The following LIN28B variants were observed in gnomAD, a reference collection of about 807,000 sequenced individuals.
The protein encoded by LIN28B is lin-28 RNA binding posttranscriptional regulator B.
Under a neutral mutation model 21.9 loss-of-function variants are expected in LIN28B, and 5 were observed. The ratio of observed to expected loss-of-function variants is 0.23; its 90% CI spans 0.12 to 0.48. LIN28B has a LOEUF of 0.48. Ranked by LOEUF, LIN28B falls within the 20% of genes least tolerant of loss-of-function variation. LIN28B has a pLI of 0.98. For missense variants in LIN28B, 245 were observed against 310.5 expected, an observed-to-expected ratio of 0.79 and a Z score of 1.58; for synonymous variants, 109 against 111.3, an observed-to-expected ratio of 0.98 and a Z score of 0.13.
At chr6:105,030,855 C>A (rs1379651260) in intron 3 of LIN28B, among the ~76,000 whole-genome samples, 3 of 152,066 alleles carry the variant, frequency 2.0e-5, no homozygotes, top group African/African-American at 4.8e-5. Flanking sequence ...CTCAGCCTCC[C>A]AAAGATTACA....
At chr6:105,021,980 T>A (rs1388141050) in intron 2 of LIN28B, among the ~76,000 whole-genome samples, 2 of 152,154 alleles carry the variant, frequency 1.3e-5, no homozygotes, top group African/African-American at 4.8e-5. Context: ...CCAGTTTTAC[T>A]AATGGAGGGA....
chr6:105,016,749 T>C (rs1176033922), intron 2 of LIN28B, among the ~76,000 whole-genome samples: 1 of 152,078 alleles, frequency 6.6e-6, no homozygotes, highest in Non-Finnish European at 1.5e-5. Flanking sequence ...AAGAAGTTAG[T>C]AGCTTTATAA....
chr6:105,079,998 A>G lies in LIN28B; in HGVS notation c.*1215A>G, dbSNP rs1453902626. The G allele has an allele frequency of 5.9e-5, 9 of 152,200 alleles. No homozygotes were observed. The highest frequency in any genetic ancestry group is 2.2e-4 in the African/African-American group (9 of 41,440). The allele number at this position is 152,200 out of a possible 1,614,324, so 9.4% of individuals were successfully genotyped here. The stretch of plus-strand genomic sequence containing the variant: ...TGACAAGCCTGGGGCAGAGGTACCA[A>G]ACCTCTCCCACCAGAGAGCTAGAAG... On this transcript the variant is annotated 3_prime_UTR_variant, in exon 4 of 4. Coordinates refer to ENST00000345080, the MANE Select transcript of LIN28B (RefSeq NM_001004317.4).
chr6:105,060,367 G>A (rs190306611), intron 3 of LIN28B, among the ~76,000 whole-genome samples: 2 of 152,236 alleles, frequency 1.3e-5, no homozygotes, highest in East Asian at 1.9e-4. Context: ...GGGCTCAAGC[G>A]ATCTGCCCAC....
At chr6:105,036,582 C>CT (rs1582910086) in intron 3 of LIN28B, among the ~76,000 whole-genome samples, 2 of 152,310 alleles carry the variant, frequency 1.3e-5, no homozygotes, top group East Asian at 3.9e-4. Flanking sequence ...ATGTGCCATT[C>CT]TCATCACCCT....
intron 2 of LIN28B, among the ~76,000 whole-genome samples, chr6:105,023,565 A>T (rs866778921): frequency 9.2e-5 from 3 of 32,466 alleles, no homozygotes; most frequent in African/African-American, 4.8e-4. Flanking sequence ...ATATATATAT[A>T]TAATATATAT....
intron 2 of LIN28B, among the ~76,000 whole-genome samples, chr6:105,017,022 A>G (rs1771042859): frequency 6.7e-6 from 1 of 149,050 alleles, no homozygotes; most frequent in Non-Finnish European, 1.5e-5. Flanking sequence ...GGAGTGAGCC[A>G]AGATTGTGCT....
chr6:105,050,608 CAAAAAAAAAAAAA>C (rs61464567), intron 3 of LIN28B, among the ~76,000 whole-genome samples: 9 of 47,604 alleles, frequency 1.9e-4, no homozygotes, highest in Non-Finnish European at 2.8e-4. Context: ...GACTCCGTCT[CAAAAAAAAAAAAA>C]AAAAAAAAAA....
intron 1 of LIN28B, among the ~76,000 whole-genome samples, chr6:104,957,617 G>A (rs1421392495): frequency 2.0e-5 from 3 of 151,830 alleles, no homozygotes; most frequent in African/African-American, 7.3e-5. Context: ...TGGGGGGGAG[G>A]GGAATGCACA....
At chr6:105,006,969 G>C (rs1770830657) in intron 2 of LIN28B, among the ~76,000 whole-genome samples, 1 of 152,176 alleles carries the variant, frequency 6.6e-6, no homozygotes, top group South Asian at 2.1e-4. Flanking sequence ...CAGAATATTT[G>C]TAACAACTGT....
At chr6:105,067,448 A>G (rs1772241409) in intron 3 of LIN28B, among the ~76,000 whole-genome samples, 1 of 152,206 alleles carries the variant, frequency 6.6e-6, no homozygotes, top group Non-Finnish European at 1.5e-5. Context: ...GGGTTCTGAA[A>G]GCAGCACTGG....
intron 2 of LIN28B, among the ~76,000 whole-genome samples, chr6:104,984,358 A>G (rs953889294): frequency 2.0e-5 from 3 of 152,216 alleles, no homozygotes; most frequent in Non-Finnish European, 4.4e-5. Flanking sequence ...TGTGTAGCCA[A>G]TTGATTCTCT....
chr6:105,050,362 G>A (rs1477627496), intron 3 of LIN28B, among the ~76,000 whole-genome samples: 1 of 152,090 alleles, frequency 6.6e-6, no homozygotes, highest in East Asian at 1.9e-4. Context: ...CAGCACTTTG[G>A]GAGGCCGAGG....
At chr6:104,999,939 C>T (rs1770687291) in intron 2 of LIN28B, among the ~76,000 whole-genome samples, 1 of 152,138 alleles carries the variant, frequency 6.6e-6, no homozygotes, top group South Asian at 2.1e-4. Context: ...GCCTCGGCCT[C>T]CCAAAGTGCT....
Position 105,025,492 on chromosome 6 carries a change from A to G in LIN28B, c.199-806A>G, listed in dbSNP as rs142640931. On this transcript the variant is annotated intron_variant, in intron 2 of 3. Transcript: ENST00000345080. ...AATATGAAATCTGATTTCCTTTCAA[A>G]TTATAAAAAGCTCAAACGACGCAGT... is the stretch of plus-strand genomic sequence containing the variant. Among the ~76,000 whole-genome samples, 471 of 152,156 alleles carry G rather than the reference A, an allele frequency of 3.1e-3. 6 individuals carry two copies. Among genetic ancestry groups the G allele is most frequent in the African/African-American group, 0.011 (450 of 41,546 alleles).
intron 2 of LIN28B, among the ~76,000 whole-genome samples, chr6:104,947,830 C>T (rs1410787154): frequency 5.4e-5 from 8 of 147,382 alleles, no homozygotes; most frequent in African/African-American, 1.8e-4. Context: ...TACAGGAATT[C>T]GTTGTCATTG....
intron 3 of LIN28B, chr6:105,058,125 TA>T (rs1772056445): frequency 2.6e-6 from 1 of 389,864 alleles, no homozygotes; most frequent in South Asian, 1.9e-5. Context: ...GGTATGTGTT[TA>T]TTTTATCATG....
intron 2 of LIN28B, among the ~76,000 whole-genome samples, chr6:105,025,049 ACTTGACCACAAAAC>A: frequency 6.6e-6 from 1 of 152,316 alleles, no homozygotes; most frequent in East Asian, 1.9e-4. Flanking sequence ...TTACAAACTT[ACTTGACCACAAAAC>A]CTTTTTCTCG....
chr6:105,055,230 C>T (rs931766180), intron 3 of LIN28B, among the ~76,000 whole-genome samples: 1 of 152,042 alleles, frequency 6.6e-6, no homozygotes, highest in Non-Finnish European at 1.5e-5. Flanking sequence ...GCCATCATTT[C>T]TTCGTGTGTT....
Sources: gnomAD v4.1 joint callset for allele counts (sites outside exome capture counted in the v4.1 genomes callset) on GRCh38, gnomAD v4.1.1 for gene constraint, MANE v1.5 for transcripts, NCBI Gene and HGNC (gene_info 2026-07-23, HGNC 2026-07-21) for gene names.